Variants in ZNF649 observed in about 807,000 individuals in gnomAD.
ZNF649 encodes the protein zinc finger protein 649.
A neutral mutation model predicts 14.1 loss-of-function variants in ZNF649; 7 were observed. The ratio of observed to expected loss-of-function variants is 0.49; its 90% CI spans 0.28 to 0.93. The LOEUF (loss-of-function observed/expected upper bound fraction) is 0.93. ZNF649 is among the 40% of genes least tolerant of loss of function. The pLI is 0.10. For synonymous variants in ZNF649, 227 were observed against 212.3 expected, an observed-to-expected ratio of 1.07 and a Z score of -0.60; for missense variants, 544 against 608.1, an observed-to-expected ratio of 0.89 and a Z score of 1.11.
At position 51,890,410 on chromosome 19, in the gene ZNF649, C is replaced by G; in HGVS notation, c.*208G>C. On this transcript the variant is annotated 3_prime_UTR_variant, in exon 5 of 5. Transcript: ENST00000354957. ...AGTGGAAGCCTCTAAAACTGCCCCC[C>G]TCCCCAGCCAAACTCTATGATCAAG... is the stretch of plus-strand genomic sequence containing the variant. 2 of 493,804 alleles carry G rather than the reference C, an allele frequency of 4.1e-6. No homozygotes were observed. Among genetic ancestry groups the G allele is most frequent in the Non-Finnish European group, 7.1e-6 (2 of 282,488 alleles). 30.6% of individuals were successfully genotyped at this position (493,804 alleles called of 1,614,324 possible). A position where few individuals can be genotyped will look rare whatever the true frequency, so the allele number is the denominator to read the frequency against.
rs149246580 is a variant in ZNF649 at position 51,897,928 on chromosome 19, C to T, written c.16-950G>A. Among the ~76,000 whole-genome samples the T allele has an allele frequency of 8.1e-3, 1,227 of 151,942 alleles. 15 individuals are homozygous for T. Among genetic ancestry groups the T allele is most frequent in the African/African-American group, 0.028 (1,173 of 41,358 alleles). Reference sequence around the variant, plus strand: ...CCCGAGGTCAGGAGTTTGAGACCAGCCTGGCTAACATGGCTAAACATGGTC... The same window carrying T: ...CCCGAGGTCAGGAGTTTGAGACCAGTCTGGCTAACATGGCTAAACATGGTC... On this transcript the variant is annotated intron_variant, in intron 2 of 4. Coordinates refer to ENST00000354957, the MANE Select transcript of ZNF649 (RefSeq NM_023074.4).
At chr19:51,902,431 CT>C (rs1274502218) in intron 1 of ZNF649, among the ~76,000 whole-genome samples, 1 of 152,188 alleles carries the variant, frequency 6.6e-6, no homozygotes, top group African/African-American at 2.4e-5. Context: ...TTCACACGGC[CT>C]CCTCCTCAGG....
At chr19:51,903,530 C>G (rs980554634) in intron 1 of ZNF649, among the ~76,000 whole-genome samples, 1 of 152,152 alleles carries the variant, frequency 6.6e-6, no homozygotes, top group African/African-American at 2.4e-5. Context: ...TAAATCGTAA[C>G]AATCATAGCT....
chr19:51,896,421 C>T (rs1470080398), intron 4 of ZNF649, 51 bp downstream of exon 4: 2 of 1,534,466 alleles, frequency 1.3e-6, no homozygotes, highest in South Asian at 2.2e-5. Context: ...TCTAAATGAC[C>T]AGAATGTGAC....
chr19:51,901,098 TGAC>T (rs60827597), intron 1 of ZNF649, among the ~76,000 whole-genome samples: 13,364 of 152,180 alleles, frequency 0.088, 1,848 homozygotes, highest in African/African-American at 0.29. Context: ...CCACAAGTCA[TGAC>T]AACACACGTG....
rs202194096 is a variant in ZNF649, at chr19:51,893,381, CAAAA to C, written c.239-1488_239-1485del. 4.6e-3 allele frequency among the ~76,000 whole-genome samples: 635 copies of C among 137,156 alleles called. 5 individuals carry two copies. Among genetic ancestry groups the C allele is most frequent in the African/African-American group, 0.017 (607 of 34,988 alleles). 90.0% of individuals were successfully genotyped at this position (137,156 alleles called of 152,430 possible). On this transcript the variant is annotated intron_variant, in intron 4 of 4. Coordinates refer to ENST00000354957, the MANE Select transcript of ZNF649 (RefSeq NM_023074.4). ...AGAAGGCAAAAAGCCTCCTGCAAGGCAAAAAAAAAAAAGTTTCCCCTCTTCAGTG... is the reference window on the plus strand; with the variant it reads ...AGAAGGCAAAAAGCCTCCTGCAAGGCAAAAAAAAGTTTCCCCTCTTCAGTG...
rs192199846 is a variant in ZNF649 at position 51,901,599 on chromosome 19, T to C, written c.-187-1305A>G. Among the ~76,000 whole-genome samples the C allele has an allele frequency of 1.5e-3, 227 of 151,912 alleles. 1 individual carries two copies. Among genetic ancestry groups the C allele is most frequent in the African/African-American group, 5.1e-3 (213 of 41,404 alleles). On this transcript the variant is annotated intron_variant, in intron 1 of 4. Coordinates refer to ENST00000354957, the MANE Select transcript of ZNF649 (RefSeq NM_023074.4). ...GTTTGAGGCTGCAGTGAGTTGTGAT[T>C]GCACCACTGCACTCTAGCCTGGGCA...
intron 2 of ZNF649, 35 bp downstream of exon 2, chr19:51,900,058 G>T: frequency 6.8e-7 from 1 of 1,461,634 alleles, no homozygotes; most frequent in Non-Finnish European, 9.1e-7. Flanking sequence ...ATCCATCAGG[G>T]AATCGAGTTA....
chr19:51,894,929 T>C (rs2085050380), intron 4 of ZNF649, among the ~76,000 whole-genome samples: 1 of 152,038 alleles, frequency 6.6e-6, no homozygotes, highest in Non-Finnish European at 1.5e-5. Context: ...ATGGACAGTG[T>C]CATGAAAACT....
chr19:51,894,130 CT>C (rs375331758), intron 4 of ZNF649, among the ~76,000 whole-genome samples: 10 of 149,420 alleles, frequency 6.7e-5, no homozygotes, highest in South Asian at 2.1e-4. Flanking sequence ...TCAAGCTAAT[CT>C]TTTTTTTTTC....
chr19:51,891,721 G>A lies in ZNF649; in HGVS notation c.415C>T (p.Leu139Phe). Residue 139 changes from leucine (L) to phenylalanine (F), a missense_variant, in exon 5 of 5, where the codon CTC becomes TTC. Transcript: ENST00000354957. This position sits in a 1 kb window ranked among gnomAD's most constrained non-coding sequence, Gnocchi z 4.2. ...PAEFNGDGAF[L>F]HDNHEQMPTE... ...GGCATTTGTTCATGATTATCATGGA[G>A]AAAAGCTCCATCTCCATTAAACTCA... 6.2e-7 allele frequency: 1 copy of A among 1,613,590 alleles called. No homozygotes were observed. The highest frequency in any genetic ancestry group is 8.5e-7 in the Non-Finnish European group (1 of 1,179,914).
At position 51,900,138 on chromosome 19, in the gene ZNF649, T is replaced by G. The variant is rs2085086767; in HGVS notation, c.-31A>C. On this transcript the variant is annotated 5_prime_UTR_variant, in exon 2 of 5. Transcript: ENST00000354957. Reference sequence around the variant, plus strand: ...TCTGTTTCAGGAAATACCCAAGAACTGGGATGCTTCGTCTTTGGTTTCTTC... The same window carrying G: ...TCTGTTTCAGGAAATACCCAAGAACGGGGATGCTTCGTCTTTGGTTTCTTC... 4.0e-6 allele frequency: 6 copies of G among 1,486,460 alleles called. No homozygotes were observed. The highest frequency in any genetic ancestry group is 1.8e-4 in the Middle Eastern group (1 of 5,522). The allele number at this position is 1,486,460 out of a possible 1,614,324, so 92.1% of individuals were successfully genotyped here. A position where few individuals can be genotyped will look rare whatever the true frequency, so the allele number is the denominator to read the frequency against.
chr19:51,890,219 G>A lies in ZNF649; in HGVS notation c.*399C>T, dbSNP rs1021221000. 2 of 159,068 alleles carry A rather than the reference G, an allele frequency of 1.3e-5. No homozygotes were observed. The highest frequency in any genetic ancestry group is 2.5e-5 in the African/African-American group (1 of 40,522). 9.9% of individuals were successfully genotyped at this position (159,068 alleles called of 1,614,324 possible). On this transcript the variant is annotated 3_prime_UTR_variant, in exon 5 of 5. Transcript: ENST00000354957. ...ACTATAAAAAATGAAATAATGAAGG[G>A]TAAAATAATAAAAAGCATGAACATC...
Position 51,890,576 on chromosome 19 carries a change from G to T in ZNF649, c.*42C>A. On this transcript the variant is annotated 3_prime_UTR_variant, in exon 5 of 5. Coordinates refer to ENST00000354957, the MANE Select transcript of ZNF649 (RefSeq NM_023074.4). ...AGGCCCATGGGACATGACAAACTCA[G>T]CATTCCGCTGGAGGCTATATGATCA... is the stretch of plus-strand genomic sequence containing the variant. 7.4e-7 allele frequency: 1 copy of T among 1,359,386 alleles called. No individual in the cohort carries two copies. Among genetic ancestry groups the T allele is most frequent in the Non-Finnish European group, 1.0e-6 (1 of 967,622 alleles). The allele number at this position is 1,359,386 out of a possible 1,614,324, so 84.2% of individuals were successfully genotyped here.
At chr19:51,898,094 T>TAAAA (rs1273732711) in intron 2 of ZNF649, among the ~76,000 whole-genome samples, 1 of 72,352 alleles carries the variant, frequency 1.4e-5, no homozygotes, top group African/African-American at 6.8e-5. Context: ...TAAGACTGTC[T>TAAAA]CAAAAAAAAA....
At chr19:51,897,032 A>G in intron 2 of ZNF649, 54 bp from the exon 3 acceptor site, 1 of 1,610,214 alleles carries the variant, frequency 6.2e-7, no homozygotes, top group South Asian at 1.1e-5. Context: ...CATGGAAGAA[A>G]TATGAAGTTG....
chr19:51,890,745 T>G lies in ZNF649; in HGVS notation c.1391A>C (p.Glu464Ala). ...GCTGTGACTTGCTGTGGAAGGATTT[T>G]CCACCTTCACTGAATCCCCCCGTTT... ...REKRGDSVKV[E>A]NPSTASHSLS... is the part of the protein sequence containing the mutation. The change falls in exon 5 of 5, where the codon GAA becomes GCA. Residue 464 changes from glutamate to alanine, a missense_variant. By Grantham distance (107) the Glu-to-Ala change is moderately radical (BLOSUM62 -1). Transcript: ENST00000354957. 6.2e-7 allele frequency: 1 copy of G among 1,614,260 alleles called. No homozygotes were observed. Among genetic ancestry groups the G allele is most frequent in the Non-Finnish European group, 8.5e-7 (1 of 1,180,054 alleles).
intron 1 of ZNF649, among the ~76,000 whole-genome samples, chr19:51,903,907 C>A (rs1209206433): frequency 1.3e-5 from 2 of 152,196 alleles, no homozygotes; most frequent in African/African-American, 4.8e-5. Context: ...CTCCATACTT[C>A]TATATTTGAG....
rs901962467 is a variant in ZNF649 at position 51,891,608 on chromosome 19, T to C, written c.528A>G (p.Lys176=). The C allele has an allele frequency of 3.0e-5, 49 of 1,614,136 alleles. No individual in the cohort carries two copies. Among genetic ancestry groups the C allele is most frequent in the Non-Finnish European group, 4.2e-5 (49 of 1,180,054 alleles). ...LKHQQTHNIE[K]AHECTDCGKA... ...TCCCACAGTCAGTGCATTCATGGGCTTTCTCTATGTTGTGTGTTTGCTGAT... is the reference window on the plus strand; with the variant it reads ...TCCCACAGTCAGTGCATTCATGGGCCTTCTCTATGTTGTGTGTTTGCTGAT... The change falls in exon 5 of 5, where the codon AAA becomes AAG. Residue 176 remains lysine, a synonymous_variant. Transcript: ENST00000354957. The surrounding 1 kb of genome is among the most constrained non-coding windows in gnomAD (Gnocchi z 4.2).
Sources: gnomAD v4.1 joint callset for allele counts (sites outside exome capture counted in the v4.1 genomes callset) on GRCh38, gnomAD v4.1.1 for gene constraint, Gnocchi (gnomAD v3.1) non-coding constraint, MANE v1.5 for transcripts, NCBI Gene and HGNC (gene_info 2026-07-23, HGNC 2026-07-21) for gene names.